The following LMO3 variants were observed in gnomAD, a reference collection of about 807,000 sequenced individuals.
LMO3 encodes the protein LIM domain only 3, also known as LIM domain only protein 3.
A neutral mutation model predicts 15.8 loss-of-function variants in LMO3; 2 were observed. The ratio of observed to expected loss-of-function variants is 0.13; its 90% CI spans 0.05 to 0.40. The LOEUF is 0.40. Among genes scored for constraint, LMO3 ranks in the 10% least tolerant of loss-of-function variants. The probability of loss-of-function intolerance (pLI) is 0.99; values close to 1 mark genes in which losing one functional copy is unlikely to be tolerated. For missense variants in LMO3, 86 were observed against 182.2 expected (o/e 0.47, Z 3.04); for synonymous variants, 62 against 63.8 (o/e 0.97, Z 0.13).
chr12:16,578,084 T>C (rs1379154542), intron 2 of LMO3, among the ~76,000 whole-genome samples: 1 of 152,190 alleles, frequency 6.6e-6, no homozygotes, highest in Admixed American at 6.5e-5. Flanking sequence ...TATTCTGTCC[T>C]CATTGCTCAC....
intron 2 of LMO3, chr12:16,600,291 C>CAAAAAAAAAAAAAAAAAAAAAAAAA (rs35993210): frequency 1.4e-5 from 1 of 69,324 alleles, no homozygotes; most frequent in Non-Finnish European, 2.6e-5. Flanking sequence ...CCTTAAGCTC[C>CAAAAAAAAAAAAAAAAAAAAAAAAA]AAAAAAAAAA....
chr12:16,556,429 A>ACAAT (rs143098278), intron 3 of LMO3, among the ~76,000 whole-genome samples: 4,416 of 152,312 alleles, frequency 0.029, 208 homozygotes, highest in African/African-American at 0.1. Context: ...TATATAAGGG[A>ACAAT]CAATCAATCC....
At position 16,598,137 on chromosome 12, in the gene LMO3, T is replaced by C. The variant is rs1943713886; in HGVS notation, c.206+2518A>G. ...TGATTTACCATACAGAATCAGACTA[T>C]TTTAATTTGCCAATCAGAGACATAT... On this transcript the variant is annotated intron_variant, in intron 2 of 3. Transcript: ENST00000537304. The surrounding 1 kb of genome is among the most constrained non-coding windows in gnomAD (Gnocchi z 4.3). The C allele has an allele frequency of 1.3e-5, 2 of 152,068 alleles. No individual in the cohort carries two copies. Among genetic ancestry groups the C allele is most frequent in the African/African-American group, 4.8e-5 (2 of 41,446 alleles). 9.4% of individuals were successfully genotyped at this position (152,068 alleles called of 1,614,324 possible). A position where few individuals can be genotyped will look rare whatever the true frequency, so the allele number is the denominator to read the frequency against.
chr12:16,571,624 C>T (rs1168656485), intron 2 of LMO3, among the ~76,000 whole-genome samples: 2 of 151,908 alleles, frequency 1.3e-5, no homozygotes, highest in African/African-American at 4.8e-5. Context: ...TATATGGCAA[C>T]CCTAGTAATA....
intron 2 of LMO3, among the ~76,000 whole-genome samples, chr12:16,569,513 C>A (rs567422441): frequency 6.6e-6 from 1 of 152,110 alleles, no homozygotes; most frequent in Non-Finnish European, 1.5e-5. Flanking sequence ...CAAAGCCTTA[C>A]GAGCAGGTGT....
chr12:16,571,023 T>C (rs1050020595), intron 2 of LMO3, among the ~76,000 whole-genome samples: 1 of 152,060 alleles, frequency 6.6e-6, no homozygotes, highest in Non-Finnish European at 1.5e-5. Flanking sequence ...CCCTAAAACT[T>C]AAAGTATAAT....
rs1044933325 is a variant in LMO3 at position 16,605,082 on chromosome 12, G to A, written c.-9+984C>T. ...GGCGGCAGGGGGTGGGGGAAGGGATGAGGACGGCCAGACAAGACAGGGCGC... is the reference window on the plus strand; with the variant it reads ...GGCGGCAGGGGGTGGGGGAAGGGATAAGGACGGCCAGACAAGACAGGGCGC... On this transcript the variant is annotated intron_variant, in intron 1 of 3. Transcript: ENST00000537304. 5 of 1,458,372 alleles carry A rather than the reference G, an allele frequency of 3.4e-6. No homozygotes were observed. In the African/African-American group the frequency reaches 4.3e-5, roughly 12 times the overall value. 90.3% of individuals were successfully genotyped at this position (1,458,372 alleles called of 1,614,324 possible).
At chr12:16,578,299 G>C (rs567836278) in intron 2 of LMO3, among the ~76,000 whole-genome samples, 1 of 152,220 alleles carries the variant, frequency 6.6e-6, no homozygotes, top group South Asian at 2.1e-4. Context: ...ACTCAAGTTT[G>C]AGAACAATTG....
rs751522968 is a variant in LMO3 at position 16,550,696 on chromosome 12, A to C, written c.*526T>G. The C allele has an allele frequency of 3.3e-5, 5 of 152,602 alleles. No homozygotes were observed. Among genetic ancestry groups the C allele is most frequent in the African/African-American group, 4.8e-5 (2 of 41,424 alleles). 9.5% of individuals were successfully genotyped at this position (152,602 alleles called of 1,614,324 possible). A position where few individuals can be genotyped will look rare whatever the true frequency, so the allele number is the denominator to read the frequency against. On this transcript the variant is annotated 3_prime_UTR_variant, in exon 4 of 4. Transcript: ENST00000537304. ...GTGTCTTTATTTTTTAGTATTTTTA[A>C]TGTTGATAGACTTGCTTTATCTATC...
At chr12:16,569,877 T>C (rs556889076) in intron 2 of LMO3, among the ~76,000 whole-genome samples, 123 of 152,288 alleles carry the variant, frequency 8.1e-4, no homozygotes, top group African/African-American at 2.8e-3. Flanking sequence ...ATTTTAACTA[T>C]ATCTTTAAAG....
At chr12:16,568,567 A>G (rs1467377280) in intron 2 of LMO3, among the ~76,000 whole-genome samples, 1 of 152,224 alleles carries the variant, frequency 6.6e-6, no homozygotes, top group African/African-American at 2.4e-5. Context: ...AGTGGGGCAT[A>G]TGTACCAGAT....
chr12:16,553,374 G>A (rs890501902), intron 3 of LMO3, among the ~76,000 whole-genome samples: 1 of 151,984 alleles, frequency 6.6e-6, no homozygotes, highest in South Asian at 2.1e-4. Context: ...GGTTATACAG[G>A]GTGTAACTGT....
In LMO3 at chr12:16,585,184, A is replaced by AC. The variant is rs1378214918; in HGVS notation, c.206+15470dup. ...TTCACAACGTTATTTTTCCTTCCAG[A>AC]CTCCGGAACCTGGAGGCAATTGAGT... is the stretch of plus-strand genomic sequence containing the variant. On this transcript the variant is annotated intron_variant, in intron 2 of 3. Transcript: ENST00000537304. This position sits in a 1 kb window ranked among gnomAD's most constrained non-coding sequence, Gnocchi z 4.7. Among the ~76,000 whole-genome samples the AC allele has an allele frequency of 1.6e-4, 24 of 152,050 alleles. No homozygotes were observed. The highest frequency in any genetic ancestry group is 1.6e-3 in the Admixed American group (24 of 15,256).
At chr12:16,600,634 G>C in intron 2 of LMO3, 21 bp downstream of exon 2, 1 of 1,597,020 alleles carries the variant, frequency 6.3e-7, no homozygotes, top group Non-Finnish European at 8.6e-7. Flanking sequence ...GTCATCACTG[G>C]TGTGCAAGGA....
chr12:16,557,634 T>C (rs1638908293), intron 3 of LMO3, among the ~76,000 whole-genome samples: 1 of 152,080 alleles, frequency 6.6e-6, no homozygotes, highest in African/African-American at 2.4e-5. Flanking sequence ...GATATATGTC[T>C]TGTGGGAAAG....
chr12:16,575,269 T>C (rs1942958290), intron 2 of LMO3, among the ~76,000 whole-genome samples: 1 of 152,170 alleles, frequency 6.6e-6, no homozygotes, highest in Admixed American at 6.5e-5. Flanking sequence ...TTCAAAAATA[T>C]AGGCATAAGG....
chr12:16,553,612 G>A (rs1238990195), intron 3 of LMO3, among the ~76,000 whole-genome samples: 1 of 152,074 alleles, frequency 6.6e-6, no homozygotes, highest in Non-Finnish European at 1.5e-5. Flanking sequence ...GAACATGGAT[G>A]AGGGATGTCA....
rs993798292 is a variant in LMO3 at position 16,589,727 on chromosome 12, C to T, written c.206+10928G>A. ...TCTTTAAGATCAAGCTCAAATTGAT[C>T]TGCCTTGGAAGACGAGGATCACCAA... On this transcript the variant is annotated intron_variant, in intron 2 of 3. Coordinates refer to ENST00000537304, the MANE Select transcript of LMO3 (RefSeq NM_018640.5). This position sits in a 1 kb window ranked among gnomAD's most constrained non-coding sequence, Gnocchi z 4.2. 1.3e-5 allele frequency: 2 copies of T among 152,090 alleles called. No individual in the cohort carries two copies. The highest frequency in any genetic ancestry group is 2.4e-5 in the African/African-American group (1 of 41,422). 9.4% of individuals were successfully genotyped at this position (152,090 alleles called of 1,614,324 possible). A position where few individuals can be genotyped will look rare whatever the true frequency, so the allele number is the denominator to read the frequency against.
At position 16,582,821 on chromosome 12, in the gene LMO3, G is replaced by A. The variant is rs1190778299; in HGVS notation, c.206+17834C>T. Among the ~76,000 whole-genome samples the A allele has an allele frequency of 6.6e-6, 1 of 152,186 alleles. No individual in the cohort carries two copies. The highest frequency in any genetic ancestry group is 2.4e-5 in the African/African-American group (1 of 41,446). Reference sequence around the variant, plus strand: ...CCAGCACTTTGGGAGGCCAAATTGAGTGGATCACCTGAGGTCAGGAGTTCG... The same window carrying A: ...CCAGCACTTTGGGAGGCCAAATTGAATGGATCACCTGAGGTCAGGAGTTCG... On this transcript the variant is annotated intron_variant, in intron 2 of 3. Transcript: ENST00000537304. The surrounding 1 kb of genome is among the most constrained non-coding windows in gnomAD (Gnocchi z 4.1).
Sources: gnomAD v4.1 joint callset for allele counts (sites outside exome capture counted in the v4.1 genomes callset) on GRCh38, gnomAD v4.1.1 for gene constraint, Gnocchi (gnomAD v3.1) non-coding constraint, MANE v1.5 for transcripts, NCBI Gene and HGNC (gene_info 2026-07-23, HGNC 2026-07-21) for gene names.